The following BACH2 variants were observed in gnomAD, a reference collection of about 807,000 sequenced individuals.
BACH2 encodes transcription regulator protein BACH2.
Under a neutral mutation model 61.8 loss-of-function variants are expected in BACH2, and 5 were observed. The observed-to-expected ratio is 0.08, with a 90% confidence interval of 0.04 to 0.17. The LOEUF (loss-of-function observed/expected upper bound fraction) is 0.17, where lower values mean the gene tolerates loss of function less well. Ranked by LOEUF, BACH2 falls within the 10% of genes least tolerant of loss-of-function variation. The pLI is 1.00. For missense variants in BACH2, 824 were observed against 1,091.1 expected (o/e 0.76, Z 3.45); for synonymous variants, 446 against 440.1 (o/e 1.01, Z -0.17).
chr6:90,159,515 A>C (rs750534438), intron 4 of BACH2, among the ~76,000 whole-genome samples: 6 of 152,272 alleles, frequency 3.9e-5, no homozygotes, highest in Non-Finnish European at 8.8e-5. Context: ...TAGAGAATTA[A>C]GAAATGGTCA....
In BACH2 at chr6:90,200,936, T is replaced by C. The variant is rs569783378; in HGVS notation, c.-162+5633A>G. Among the ~76,000 whole-genome samples, 11 of 152,352 alleles carry C rather than the reference T, an allele frequency of 7.2e-5. No homozygotes were observed. The South Asian group carries it at 2.1e-3, about 29-fold the overall frequency. On this transcript the variant is annotated intron_variant, in intron 4 of 8. Coordinates refer to ENST00000257749, the MANE Select transcript of BACH2 (RefSeq NM_021813.4). ...AAAGATAATGCTCATAATATGTTGATGTGTATAAGCAATCTTTATTCTGTG... is the reference window on the plus strand; with the variant it reads ...AAAGATAATGCTCATAATATGTTGACGTGTATAAGCAATCTTTATTCTGTG...
At chr6:90,265,982 G>C (rs1771315882) in intron 2 of BACH2, among the ~76,000 whole-genome samples, 1 of 152,144 alleles carries the variant, frequency 6.6e-6, no homozygotes, top group African/African-American at 2.4e-5. Context: ...GGAGAAAACT[G>C]AGAGATACAT....
At chr6:90,244,164 C>T (rs975173225) in intron 3 of BACH2, among the ~76,000 whole-genome samples, 5 of 152,152 alleles carry the variant, frequency 3.3e-5, no homozygotes, top group Non-Finnish European at 7.3e-5. Flanking sequence ...TCAAGCAATC[C>T]GCCTGCCTGG....
At chr6:90,014,132 G>A (rs965884106) in intron 5 of BACH2, among the ~76,000 whole-genome samples, 1 of 151,810 alleles carries the variant, frequency 6.6e-6, no homozygotes, top group African/African-American at 2.4e-5. Flanking sequence ...CTAACATTTT[G>A]TTAATAATTT....
At chr6:90,211,148 A>G (rs1769333380) in intron 3 of BACH2, among the ~76,000 whole-genome samples, 2 of 151,228 alleles carry the variant, frequency 1.3e-5, no homozygotes, top group African/African-American at 4.9e-5. Context: ...AAAAAAAAAA[A>G]AGGCAGAGAC....
intron 1 of BACH2, among the ~76,000 whole-genome samples, chr6:90,292,865 T>C (rs1158907804): frequency 6.6e-6 from 1 of 152,210 alleles, no homozygotes; most frequent in African/African-American, 2.4e-5. Context: ...ATATCCAATA[T>C]TCAGCTTCCC....
At chr6:89,973,702 G>C (rs1041436912) in intron 6 of BACH2, among the ~76,000 whole-genome samples, 1 of 151,808 alleles carries the variant, frequency 6.6e-6, no homozygotes, top group African/African-American at 2.4e-5. Flanking sequence ...GCTATACCGG[G>C]TTATAAAATC....
In BACH2 at chr6:90,141,731, T is replaced by G. The variant is rs16882442; in HGVS notation, c.-161-52622A>C. Among the ~76,000 whole-genome samples, 854 of 152,302 alleles carry G rather than the reference T, an allele frequency of 5.6e-3. 11 individuals are homozygous for G. Among genetic ancestry groups the G allele is most frequent in the African/African-American group, 0.02 (812 of 41,552 alleles). On this transcript the variant is annotated intron_variant, in intron 4 of 8. Coordinates refer to ENST00000257749, the MANE Select transcript of BACH2 (RefSeq NM_021813.4). ...TGTATATACATACTTCAAATTAGAT[T>G]TTACACATGATAATAGGTTGATTTG... is the stretch of plus-strand genomic sequence containing the variant.
chr6:90,182,802 A>T (rs1768214151), intron 4 of BACH2, among the ~76,000 whole-genome samples: 1 of 152,190 alleles, frequency 6.6e-6, no homozygotes, highest in African/African-American at 2.4e-5. Context: ...CACACAGCGG[A>T]TCTTCACTCT....
At chr6:90,281,452 G>A (rs796530104) in intron 1 of BACH2, among the ~76,000 whole-genome samples, 13 of 152,144 alleles carry the variant, frequency 8.5e-5, no homozygotes, top group African/African-American at 2.9e-4. Context: ...CAGGTTGGGA[G>A]ATAAAACACT....
rs9344982 is a variant in BACH2 at position 90,003,768 on chromosome 6, A to T, written c.243+4834T>A. Among the ~76,000 whole-genome samples the T allele has an allele frequency of 8.4e-3, 1,280 of 152,300 alleles. 15 individuals carry two copies. Among genetic ancestry groups the T allele is most frequent in the East Asian group, 0.031 (162 of 5,184 alleles). On this transcript the variant is annotated intron_variant, in intron 6 of 8. Coordinates refer to ENST00000257749, the MANE Select transcript of BACH2 (RefSeq NM_021813.4). The stretch of plus-strand genomic sequence containing the variant: ...AAAAATCTGCCCATTACTCTTTTTC[A>T]GGTAAAGAGTGGTGGTGTCTTCTTC...
intron 5 of BACH2, among the ~76,000 whole-genome samples, chr6:90,009,644 A>C (rs1777600414): frequency 6.6e-6 from 1 of 152,238 alleles, no homozygotes; most frequent in South Asian, 2.1e-4. Context: ...CTTTGCTTTA[A>C]AAAATATCCA....
intron 6 of BACH2, among the ~76,000 whole-genome samples, chr6:89,966,979 G>A (rs1172424743): frequency 6.6e-6 from 1 of 152,220 alleles, no homozygotes; most frequent in Non-Finnish European, 1.5e-5. Flanking sequence ...AGGATTATAG[G>A]CCGGTAGGGT....
intron 4 of BACH2, among the ~76,000 whole-genome samples, chr6:90,191,115 C>T (rs1768554603): frequency 6.6e-6 from 1 of 152,198 alleles, no homozygotes; most frequent in Non-Finnish European, 1.5e-5. Context: ...CCATCCGTGA[C>T]TTAAGGCTAC....
At chr6:90,148,177 T>C (rs1784687352) in intron 4 of BACH2, among the ~76,000 whole-genome samples, 1 of 152,142 alleles carries the variant, frequency 6.6e-6, no homozygotes, top group African/African-American at 2.4e-5. Flanking sequence ...AGATTTTCCA[T>C]TCAAGGAGTT....
chr6:90,176,922 C>T (rs866483926), intron 4 of BACH2, among the ~76,000 whole-genome samples: 29 of 152,282 alleles, frequency 1.9e-4, no homozygotes, highest in Middle Eastern at 3.4e-3. Flanking sequence ...TTAGATTGTC[C>T]TCCTTTCTGC....
rs139812871 is a variant in BACH2 at position 90,053,392 on chromosome 6, G to A, written c.-13+35569C>T. Among the ~76,000 whole-genome samples, 690 of 152,044 alleles carry A rather than the reference G, an allele frequency of 4.5e-3. 3 individuals carry two copies. Among genetic ancestry groups the A allele is most frequent in the African/African-American group, 0.016 (657 of 41,444 alleles). Reference sequence around the variant, plus strand: ...ACTCCTGTGCTCTAGTGATTCTCCCGCCTCAGCCTCCTGAGTAGCTAGGAC... The same window carrying A: ...ACTCCTGTGCTCTAGTGATTCTCCCACCTCAGCCTCCTGAGTAGCTAGGAC... On this transcript the variant is annotated intron_variant, in intron 5 of 8. Transcript: ENST00000257749.
intron 1 of BACH2, among the ~76,000 whole-genome samples, chr6:90,278,373 G>A (rs1014936680): frequency 6.6e-6 from 1 of 152,230 alleles, no homozygotes; most frequent in Non-Finnish European, 1.5e-5. Flanking sequence ...TCCTCTGGTG[G>A]GACACCCTTC....
At chr6:90,136,614 G>A (rs1784279606) in intron 4 of BACH2, among the ~76,000 whole-genome samples, 2 of 152,078 alleles carry the variant, frequency 1.3e-5, no homozygotes, top group South Asian at 4.2e-4. Context: ...GGAAGGAGAG[G>A]GGATATCACC....
Sources: gnomAD v4.1 joint callset for allele counts (sites outside exome capture counted in the v4.1 genomes callset) on GRCh38, gnomAD v4.1.1 for gene constraint, MANE v1.5 for transcripts, NCBI Gene and HGNC (gene_info 2026-07-23, HGNC 2026-07-21) for gene names.